The following SH3KBP1 variants were observed in gnomAD, a reference collection of about 807,000 sequenced individuals.
SH3KBP1 encodes the protein SH3 domain containing kinase binding protein 1.
A neutral mutation model predicts 50.1 loss-of-function variants in SH3KBP1; 8 were observed. The ratio of observed to expected loss-of-function variants is 0.16; its 90% CI spans 0.09 to 0.29. SH3KBP1 has a LOEUF of 0.29. SH3KBP1 is among the 10% of genes least tolerant of loss of function. The probability of loss-of-function intolerance (pLI) is 1.00; values close to 1 mark genes in which losing one functional copy is unlikely to be tolerated. For synonymous variants in SH3KBP1, 227 were observed against 218.6 expected, an observed-to-expected ratio of 1.04 and a Z score of -0.34; for missense variants, 377 against 535.2, an observed-to-expected ratio of 0.70 and a Z score of 2.92.
At chrX:19,551,336 C>T (rs1038177705) in intron 13 of SH3KBP1, among the ~76,000 whole-genome samples, 1 of 110,113 alleles carries the variant, frequency 9.1e-6, no homozygotes, top group African/African-American at 3.3e-5. Context: ...CATCAGCATC[C>T]AGTACCTGAA....
intron 2 of SH3KBP1, among the ~76,000 whole-genome samples, chrX:19,804,558 G>A (rs1314543081): frequency 2.7e-5 from 3 of 110,848 alleles, no homozygotes; most frequent in African/African-American, 9.9e-5. Flanking sequence ...GATTCCAACA[G>A]TGAAGTTTTC....
intron 6 of SH3KBP1, among the ~76,000 whole-genome samples, chrX:19,655,286 T>C (rs1279831392): frequency 8.9e-6 from 1 of 112,222 alleles, no homozygotes; most frequent in Non-Finnish European, 1.9e-5. Flanking sequence ...TTTCTAGAAC[T>C]ACCATGAGCC....
At chrX:19,565,426 G>T (rs954847950) in intron 13 of SH3KBP1, among the ~76,000 whole-genome samples, 1 of 111,373 alleles carries the variant, frequency 9.0e-6, no homozygotes, top group Admixed American at 9.6e-5. Context: ...TTTCTTCCCT[G>T]TTCCTTCACT....
intron 13 of SH3KBP1, among the ~76,000 whole-genome samples, chrX:19,563,771 C>T (rs1279639367): frequency 8.9e-6 from 1 of 111,837 alleles, no homozygotes; most frequent in Non-Finnish European, 1.9e-5. Flanking sequence ...TTCTTCAGCA[C>T]AGGTAACATC....
chrX:19,551,346 A>G (rs2065231571), intron 13 of SH3KBP1, among the ~76,000 whole-genome samples: 1 of 110,086 alleles, frequency 9.1e-6, no homozygotes, highest in African/African-American at 3.3e-5. Flanking sequence ...CAGTACCTGA[A>G]TGAGGCTCAT....
chrX:19,603,934 C>T (rs1250262669), intron 9 of SH3KBP1, among the ~76,000 whole-genome samples: 7 of 111,809 alleles, frequency 6.3e-5, no homozygotes, highest in Admixed American at 1.9e-4. Context: ...GCAATCCTCC[C>T]ACCTTGGCCT....
chrX:19,689,235 G>A (rs990130147), intron 5 of SH3KBP1, among the ~76,000 whole-genome samples: 2 of 111,886 alleles, frequency 1.8e-5, no homozygotes. Flanking sequence ...TGACAAAAGT[G>A]CAGCAAGTAA....
chrX:19,668,961 TATATATATATATA>T (rs1289408844), intron 6 of SH3KBP1, among the ~76,000 whole-genome samples: 76 of 60,281 alleles, frequency 1.3e-3, no homozygotes, highest in African/African-American at 2.5e-3. Context: ...TATATATATA[TATATATATATATA>T]TTTTTTGAGA....
intron 1 of SH3KBP1, among the ~76,000 whole-genome samples, chrX:19,848,522 C>T: frequency 8.9e-6 from 1 of 112,288 alleles, no homozygotes; most frequent in Middle Eastern, 4.6e-3. Flanking sequence ...ACATCATTGG[C>T]CACCTTTGGA....
intron 6 of SH3KBP1, among the ~76,000 whole-genome samples, chrX:19,667,459 C>G (rs746460531): frequency 1.8e-5 from 2 of 110,463 alleles, no homozygotes; most frequent in South Asian, 3.8e-4. Flanking sequence ...GACCCTGTCT[C>G]TACAAAAGGA....
intron 2 of SH3KBP1, among the ~76,000 whole-genome samples, chrX:19,819,323 T>C (rs1210605162): frequency 9.0e-6 from 1 of 111,404 alleles, no homozygotes; most frequent in African/African-American, 3.3e-5. Flanking sequence ...GGTTTACCCA[T>C]TTTATTGATC....
intron 1 of SH3KBP1, among the ~76,000 whole-genome samples, chrX:19,866,953 G>A (rs766414409): frequency 9.9e-5 from 11 of 110,608 alleles, no homozygotes; most frequent in African/African-American, 3.6e-4. Flanking sequence ...TTTCTCGGTC[G>A]CCTCAACCAT....
At chrX:19,621,902 A>T (rs983659831) in intron 8 of SH3KBP1, among the ~76,000 whole-genome samples, 2 of 112,438 alleles carry the variant, frequency 1.8e-5, no homozygotes, top group Non-Finnish European at 1.9e-5. Context: ...TATAAAAAAA[A>T]TACTGTAAAG....
intron 1 of SH3KBP1, among the ~76,000 whole-genome samples, chrX:19,859,447 C>G (rs2068731092): frequency 8.9e-6 from 1 of 112,201 alleles, no homozygotes; most frequent in Non-Finnish European, 1.9e-5. Flanking sequence ...CATGCCCAGC[C>G]TGAAATTACT....
intron 7 of SH3KBP1, among the ~76,000 whole-genome samples, chrX:19,639,573 G>C (rs1226275554): frequency 9.0e-6 from 1 of 111,217 alleles, no homozygotes; most frequent in Non-Finnish European, 1.9e-5. Flanking sequence ...CACACGGGTA[G>C]GCTGGGCACC....
chrX:19,727,222 C>T (rs1441147659), intron 3 of SH3KBP1, among the ~76,000 whole-genome samples: 3 of 112,269 alleles, frequency 2.7e-5, no homozygotes, highest in Non-Finnish European at 5.6e-5. Flanking sequence ...GCATTAAGTA[C>T]ACTCACATTG....
chrX:19,554,257 TTATATATATTAAAATATATATC>T (rs1458035945), intron 13 of SH3KBP1, among the ~76,000 whole-genome samples: 3 of 83,484 alleles, frequency 3.6e-5, no homozygotes, highest in Non-Finnish European at 6.4e-5. Flanking sequence ...TTAAAATATA[TTATATATATTAAAATATATATC>T]ATATTAAAAT....
chrX:19,546,102 C>T (rs1219793218), intron 14 of SH3KBP1, 52 bp from the exon 15 acceptor site: 2 of 1,172,306 alleles, frequency 1.7e-6, no homozygotes, highest in African/African-American at 3.5e-5. Flanking sequence ...TTAGCTGACA[C>T]CACTTTCGTT....
At chrX:19,567,328 G>A (rs893387697) in intron 13 of SH3KBP1, among the ~76,000 whole-genome samples, 10 of 104,800 alleles carry the variant, frequency 9.5e-5, no homozygotes, top group Non-Finnish European at 1.7e-4. Flanking sequence ...AGACTAGCCT[G>A]GGCAACATAG....
Sources: gnomAD v4.1 joint callset for allele counts (sites outside exome capture counted in the v4.1 genomes callset) on GRCh38, gnomAD v4.1.1 for gene constraint, MANE v1.5 for transcripts, NCBI Gene and HGNC (gene_info 2026-07-23, HGNC 2026-07-21) for gene names.